Variants in STARD9 observed in about 807,000 individuals in gnomAD.
The protein encoded by STARD9 is StAR related lipid transfer domain containing 9, also known as stAR-related lipid transfer protein 9.
STARD9 carries 346 observed loss-of-function variants against 399.8 expected under a neutral mutation model. The ratio of observed to expected loss-of-function variants is 0.87; its 90% CI spans 0.79 to 0.95. STARD9 has a LOEUF of 0.95. Ranked by LOEUF, STARD9 falls within the 40% of genes least tolerant of loss-of-function variation. The pLI is 0.00. For missense variants in STARD9, 5,832 were observed against 5,667.5 expected (o/e 1.03, Z -0.93); for synonymous variants, 2,203 against 2,143.5 (o/e 1.03, Z -0.77).
intron 3 of STARD9, among the ~76,000 whole-genome samples, chr15:42,616,210 T>G (rs930975333): frequency 5.9e-5 from 9 of 152,120 alleles, no homozygotes; most frequent in African/African-American, 2.2e-4. Flanking sequence ...GCAAAAAGAC[T>G]CCAGAAATGA....
chr15:42,691,235 T>G lies in STARD9; in HGVS notation c.9657T>G (p.Ala3219=). ...WQEEEQHRDQ[A]SGGGEGFAQG... ...AAGAAGAGCAGCACAGAGACCAGGC[T>G]TCAGGTGGTGGAGAAGGCTTCGCCC... Residue 3219 remains alanine, a synonymous_variant, in exon 23 of 33, where the codon GCT becomes GCG. Coordinates refer to ENST00000290607, the MANE Select transcript of STARD9 (RefSeq NM_020759.3). 2 of 1,537,230 alleles carry G rather than the reference T, an allele frequency of 1.3e-6. No individual in the cohort carries two copies. Among genetic ancestry groups the G allele is most frequent in the Non-Finnish European group, 8.7e-7 (1 of 1,146,896 alleles).
chr15:42,667,952 T>C (rs1044876080), intron 15 of STARD9, among the ~76,000 whole-genome samples: 2 of 152,264 alleles, frequency 1.3e-5, no homozygotes, highest in Admixed American at 1.3e-4. Context: ...CCTTCAGTCA[T>C]GTATTCTGAT....
intron 3 of STARD9, among the ~76,000 whole-genome samples, chr15:42,626,330 T>TTCCTCTTCTTCC (rs2059214695): frequency 6.8e-6 from 1 of 147,636 alleles, no homozygotes; most frequent in South Asian, 2.2e-4. Context: ...CTTCCTCCTC[T>TTCCTCTTCTTCC]TCCTCTTCTT....
Position 42,663,299 on chromosome 15 carries a change from TCAG to T in STARD9, c.892_894del (p.Ser298del). On this transcript the variant is annotated inframe_deletion, in exon 12 of 33. Coordinates refer to ENST00000290607, the MANE Select transcript of STARD9 (RefSeq NM_020759.3). ...TTTTAAGCCCAGAACTCCCAAGTTT[TCAG>T]CAGCTGCCAGAGCCTCAACAGCTCA... 6.5e-7 allele frequency: 1 copy of T among 1,533,862 alleles called. No homozygotes were observed. The highest frequency in any genetic ancestry group is 1.4e-5 in the African/African-American group (1 of 73,122).
intron 15 of STARD9, among the ~76,000 whole-genome samples, chr15:42,667,004 G>A (rs1187454324): frequency 6.6e-6 from 1 of 151,778 alleles, no homozygotes; most frequent in African/African-American, 2.4e-5. Context: ...TAGTAGAGAC[G>A]GGGTTTCACC....
At chr15:42,596,583 A>G (rs2058510402) in intron 3 of STARD9, among the ~76,000 whole-genome samples, 1 of 152,162 alleles carries the variant, frequency 6.6e-6, no homozygotes, top group African/African-American at 2.4e-5. Context: ...CTTCCCACAT[A>G]CTTGCACAGT....
chr15:42,691,230 C>T lies in STARD9; in HGVS notation c.9652C>T (p.Gln3218Ter). The T allele has an allele frequency of 1.3e-6, 2 of 1,537,216 alleles. No homozygotes were observed. The highest frequency in any genetic ancestry group is 1.4e-5 in the African/African-American group (1 of 73,152). The change falls in exon 23 of 33, where the codon CAG becomes TAG. Residue 3218 changes from glutamine to a stop codon, truncating the protein, a stop_gained. Transcript: ENST00000290607. LOFTEE classifies it high-confidence loss of function. ...PWQEEEQHRD[Q>*]ASGGGEGFAQ... is the part of the protein sequence containing the mutation. ...GCAGGAAGAAGAGCAGCACAGAGAC[C>T]AGGCTTCAGGTGGTGGAGAAGGCTT...
At chr15:42,632,741 C>G (rs1356368547) in intron 3 of STARD9, among the ~76,000 whole-genome samples, 1 of 152,150 alleles carries the variant, frequency 6.6e-6, no homozygotes, top group East Asian at 1.9e-4. Flanking sequence ...ACTCAAGAGG[C>G]CGAGGCGAGA....
At chr15:42,584,541 C>A (rs1202049598) in intron 2 of STARD9, among the ~76,000 whole-genome samples, 1 of 152,202 alleles carries the variant, frequency 6.6e-6, no homozygotes, top group Non-Finnish European at 1.5e-5. Flanking sequence ...ATCATTCTGG[C>A]AGCCTAATTC....
At chr15:42,704,136 C>G (rs2061026107) in intron 26 of STARD9, among the ~76,000 whole-genome samples, 1 of 152,130 alleles carries the variant, frequency 6.6e-6, no homozygotes, top group African/African-American at 2.4e-5. Context: ...GTCTCGAACT[C>G]CTGACCTCAG....
At chr15:42,605,155 A>C (rs1458672762) in intron 3 of STARD9, among the ~76,000 whole-genome samples, 1 of 152,202 alleles carries the variant, frequency 6.6e-6, no homozygotes, top group Non-Finnish European at 1.5e-5. Flanking sequence ...GATGCCATTT[A>C]ATCTTATAAT....
At chr15:42,608,958 G>A (rs1374488726) in intron 3 of STARD9, among the ~76,000 whole-genome samples, 3 of 152,292 alleles carry the variant, frequency 2.0e-5, no homozygotes, top group Non-Finnish European at 2.9e-5. Context: ...TGCACTGTGC[G>A]TTGTTGCTGG....
intron 9 of STARD9, among the ~76,000 whole-genome samples, chr15:42,655,147 T>A (rs1278690109): frequency 6.6e-6 from 1 of 152,160 alleles, no homozygotes; most frequent in Non-Finnish European, 1.5e-5. Flanking sequence ...CTGGGCGTGA[T>A]GGCAGGCACC....
chr15:42,663,590 G>T (rs1273088937), intron 12 of STARD9, 100 bp downstream of exon 12: 44 of 624,508 alleles, frequency 7.0e-5, no homozygotes, highest in Non-Finnish European at 1.2e-4. Flanking sequence ...CTGGATCTGT[G>T]TTGGGACTGG....
Position 42,693,645 on chromosome 15 carries a change from A to G in STARD9, c.12067A>G (p.Arg4023Gly). ...SRLLPPPLRH[R>G]SQRLGNSFVP... ...ACTGCTGCCACCACCACTGAGGCAC[A>G]GGAGCCAAAGGCTGGGCAACAGCTT... The change falls in exon 23 of 33, where the codon AGG becomes GGG. Residue 4023 changes from arginine to glycine, a missense_variant. Transcript: ENST00000290607. The G allele has an allele frequency of 6.5e-7, 1 of 1,537,282 alleles. No homozygotes were observed. Among genetic ancestry groups the G allele is most frequent in the African/African-American group, 1.4e-5 (1 of 73,184 alleles).
rs779482536 is a variant in STARD9, at chr15:42,695,868, C to G, written c.13272C>G (p.Phe4424Leu). ...SSPALSGQLQFPENMGHTNLP... is the reference protein window; with the variant it reads ...SSPALSGQLQLPENMGHTNLP... ...CAGCCTTGTCAGGCCAGCTCCAGTT[C>G]CCAGAGAATATGGTGAGTAGGCAGA... The change falls in exon 26 of 33, where the codon TTC (phenylalanine) becomes TTG (leucine). Residue 4424 changes from phenylalanine (F) to leucine (L), a missense_variant. Around this residue, in one of 2 missense-constraint regions of STARD9, gnomAD observed 5,828 missense variants for 5,651.1 expected, o/e 1.03. Transcript: ENST00000290607. 2 of 1,537,110 alleles carry G rather than the reference C, an allele frequency of 1.3e-6. No individual in the cohort carries two copies. Among genetic ancestry groups the G allele is most frequent in the Non-Finnish European group, 1.7e-6 (2 of 1,146,808 alleles).
At chr15:42,678,165 A>G (rs370599367) in intron 20 of STARD9, among the ~76,000 whole-genome samples, 1 of 152,200 alleles carries the variant, frequency 6.6e-6, no homozygotes, top group African/African-American at 2.4e-5. Context: ...GTGGTGCTCA[A>G]GTCCGTGATT....
intron 28 of STARD9, 107 bp from the exon 29 acceptor site, chr15:42,717,624 C>A: frequency 2.0e-6 from 2 of 992,352 alleles, no homozygotes; most frequent in South Asian, 1.4e-5. Flanking sequence ...GACCCTGTCT[C>A]AAAAAAAAAG....
rs982942547 is a variant in STARD9, at chr15:42,682,387, G to A, written c.2349G>A (p.Glu783=). The change falls in exon 22 of 33, where the codon GAG becomes GAA. Residue 783 remains glutamate (E), a synonymous_variant. Transcript: ENST00000290607. ...TCATCAAAAAGCAGAGGCTGCTGGA[G>A]GCCCAGAAGAGACTGGAGAAGCTCA... The part of the protein sequence containing the change: ...ERIIKKQRLL[E]AQKRLEKLTT... The A allele has an allele frequency of 2.9e-5, 44 of 1,537,118 alleles. No homozygotes were observed. Among genetic ancestry groups the A allele is most frequent in the Non-Finnish European group, 3.7e-5 (43 of 1,146,914 alleles).
Sources: gnomAD v4.1 joint callset for allele counts (sites outside exome capture counted in the v4.1 genomes callset) on GRCh38, gnomAD v4.1.1 for gene constraint, gnomAD v4.1.1 regional missense constraint, MANE v1.5 for transcripts, NCBI Gene and HGNC (gene_info 2026-07-23, HGNC 2026-07-21) for gene names.